The following DDX51 variants were observed in gnomAD, a reference collection of about 807,000 sequenced individuals.
DDX51 encodes the protein DEAD-box helicase 51.
In DDX51, 67 loss-of-function variants were observed where a neutral mutation model predicts 74.6. That is an observed-to-expected ratio of 0.90 (90% confidence interval 0.74 to 1.10). The LOEUF is 1.10. DDX51 is among the 50% of genes least tolerant of loss of function. The pLI is 0.00. For synonymous variants in DDX51, 545 were observed against 402.9 expected (o/e 1.35, Z -4.22); for missense variants, 1,056 against 905.2 (o/e 1.17, Z -2.14).
At chr12:132,139,802 T>A in intron 13 of DDX51, 33 bp from the exon 14 acceptor site, 10 of 1,612,798 alleles carry the variant, frequency 6.2e-6, no homozygotes, top group Non-Finnish European at 8.5e-6. Flanking sequence ...AGGGGGTTCT[T>A]GGGCCAGCCC....
intron 2 of DDX51, 93 bp downstream of exon 2, chr12:132,143,602 G>A (rs1897568364): frequency 3.4e-6 from 5 of 1,471,324 alleles, no homozygotes; most frequent in Non-Finnish European, 4.6e-6. Context: ...GGGAACATTC[G>A]CTGAACGAAA....
chr12:132,142,196 G>C lies in DDX51; in HGVS notation c.817-6C>G, dbSNP rs780022017. ...ACCACTCTCGAAAGCAGGGCCTGAG[G>C]GGGAAGGAGCGCCTGCGTCAGCAAG... On this transcript the variant is annotated splice_polypyrimidine_tract_variant and splice_region_variant and intron_variant, in intron 4 of 14. Transcript: ENST00000397333. 2 of 1,572,706 alleles carry C rather than the reference G, an allele frequency of 1.3e-6. No homozygotes were observed. Among genetic ancestry groups the C allele is most frequent in the African/African-American group, 2.7e-5 (2 of 73,940 alleles).
At chr12:132,140,254 A>G (rs1897395349) in intron 11 of DDX51, 55 bp from the exon 12 acceptor site, 1 of 1,586,138 alleles carries the variant, frequency 6.3e-7, no homozygotes. Flanking sequence ...GGGCCGTGGC[A>G]GCACCGGCCC....
intron 6 of DDX51, 116 bp from the exon 7 acceptor site, chr12:132,141,722 G>C: frequency 6.9e-7 from 1 of 1,455,298 alleles, no homozygotes; most frequent in Non-Finnish European, 9.3e-7. Context: ...GGGCCGGTGG[G>C]AGCTCCTCCT....
chr12:132,142,337 G>A lies in DDX51; in HGVS notation c.756C>T (p.Leu252=). 15 of 1,613,090 alleles carry A rather than the reference G, an allele frequency of 9.3e-6. No individual in the cohort carries two copies. The highest frequency in any genetic ancestry group is 1.3e-5 in the Non-Finnish European group (15 of 1,180,006). The change falls in exon 4 of 15, where the codon CTC becomes CTT. Residue 252 remains leucine (L), a synonymous_variant. Transcript: ENST00000397333. The part of the protein sequence containing the change: ...VGRGGYRPSD[L]CVSAPTGSGK... ...CACTGCCTGTTGGGGCAGAAACACA[G>A]AGGTCGCTAGGCCGGTAGCCACCTC...
At position 132,140,652 on chromosome 12, in the gene DDX51, G is replaced by A. The variant is rs759816039; in HGVS notation, c.1524C>T (p.Leu508=). Residue 508 remains leucine (L), a synonymous_variant, in exon 10 of 15, where the codon CTC becomes CTT. Coordinates refer to ENST00000397333, the MANE Select transcript of DDX51 (RefSeq NM_175066.4). ...LVLEMGFSRV[L]CFTNSRENSH... ...AGTTCTCTCGGGAGTTAGTGAAGCAGAGAACCCTCGAGAAGCCCATCTCCA... is the reference window on the plus strand; with the variant it reads ...AGTTCTCTCGGGAGTTAGTGAAGCAAAGAACCCTCGAGAAGCCCATCTCCA... 1.1e-5 allele frequency: 18 copies of A among 1,612,834 alleles called. 1 individual carries two copies. In the South Asian group the frequency reaches 1.8e-4, roughly 16 times the overall value.
Position 132,139,910 on chromosome 12 carries a change from G to C in DDX51, c.1790C>G (p.Ala597Gly). 1 of 1,613,078 alleles carries C rather than the reference G, an allele frequency of 6.2e-7. No individual in the cohort carries two copies. The highest frequency in any genetic ancestry group is 1.1e-5 in the South Asian group (1 of 91,086). The change falls in exon 13 of 15, where the codon GCT (alanine) becomes GGT (glycine). Residue 597 changes from alanine to glycine, a missense_variant. Ala to Gly is a moderately conservative substitution (Grantham distance 60). Transcript: ENST00000397333. ...RTYVHRVGRT[A>G]RAGKTGQAFT... is the part of the protein sequence containing the mutation. ...GGCCTGTCCAGTTTTCCCAGCGCGAGCTGTCCTCCCAACCCTGGAATCAAA... is the reference window on the plus strand; with the variant it reads ...GGCCTGTCCAGTTTTCCCAGCGCGACCTGTCCTCCCAACCCTGGAATCAAA...
intron 8 of DDX51, 28 bp from the exon 9 acceptor site, chr12:132,141,048 C>T (rs766837706): frequency 6.4e-6 from 10 of 1,569,270 alleles, no homozygotes; most frequent in South Asian, 1.2e-5. Flanking sequence ...GTTGCTGGCA[C>T]CCTACCAGTG....
Position 132,141,381 on chromosome 12 carries a change from G to A in DDX51, c.1144C>T (p.Gln382Ter). The change falls in exon 8 of 15, where the codon CAG becomes TAG. Residue 382 changes from glutamine (Q) to a stop codon, truncating the protein, a stop_gained. Transcript: ENST00000397333. LOFTEE classifies it high-confidence loss of function. ...EADRMIDSMH[Q>*]SWLPRVVAAA... ...GCCACCACCCGCGGCAGCCAGGACT[G>A]ATGCATGCTGTCAATCATCCGGTCA... The A allele has an allele frequency of 6.3e-7, 1 of 1,597,934 alleles. No homozygotes were observed. Among genetic ancestry groups the A allele is most frequent in the South Asian group, 1.1e-5 (1 of 90,972 alleles).
chr12:132,140,244 G>A (rs1266647775), intron 11 of DDX51, 45 bp from the exon 12 acceptor site: 30 of 1,594,240 alleles, frequency 1.9e-5, no homozygotes, highest in Non-Finnish European at 2.5e-5. Context: ...CCAGGAGCAG[G>A]GGCCGTGGCA....
In DDX51 at chr12:132,140,436, C is replaced by T. The variant is rs1897402758; in HGVS notation, c.1660G>A (p.Gly554Arg). The T allele has an allele frequency of 1.2e-6, 2 of 1,613,270 alleles. No homozygotes were observed. The highest frequency in any genetic ancestry group is 1.7e-6 in the Non-Finnish European group (2 of 1,180,024). The change falls in exon 11 of 15, where the codon GGG (glycine) becomes AGG (arginine). Residue 554 changes from glycine to arginine, a missense_variant. By Grantham distance (125) the Gly-to-Arg change is moderately radical. Coordinates refer to ENST00000397333, the MANE Select transcript of DDX51 (RefSeq NM_175066.4). ...CCAGGAACTCACAGCTGGATCTTCC[C>T]CTGTTCAAACTGCTTCAGGATCATC... ...RRMILKQFEQ[G>R]KIQLLISTDA...
At position 132,138,435 on chromosome 12, in the gene DDX51, C is replaced by G. The variant is rs1217521526; in HGVS notation, c.*837G>C. The G allele has an allele frequency of 6.6e-6, 1 of 151,426 alleles. No homozygotes were observed. Among genetic ancestry groups the G allele is most frequent in the Non-Finnish European group, 1.5e-5 (1 of 67,920 alleles). The allele number at this position is 151,426 out of a possible 1,614,324, so 9.4% of individuals were successfully genotyped here. A position where few individuals can be genotyped will look rare whatever the true frequency, so the allele number is the denominator to read the frequency against. Reference sequence around the variant, plus strand: ...TCACGCCATTCTCCTGCCTCAGCCTCCCGAGTAGCTGGGACTATAGGTGCC... The same window carrying G: ...TCACGCCATTCTCCTGCCTCAGCCTGCCGAGTAGCTGGGACTATAGGTGCC... On this transcript the variant is annotated 3_prime_UTR_variant, in exon 15 of 15. Coordinates refer to ENST00000397333, the MANE Select transcript of DDX51 (RefSeq NM_175066.4).
chr12:132,139,960 T>C (rs1052558648), intron 12 of DDX51, 36 bp from the exon 13 acceptor site: 1 of 1,612,312 alleles, frequency 6.2e-7, no homozygotes, highest in Non-Finnish European at 8.5e-7. Context: ...GACTGGCCCC[T>C]GAGCCTTCAA....
At chr12:132,141,685 G>A (rs753516664) in intron 6 of DDX51, 79 bp from the exon 7 acceptor site, 115 of 1,500,010 alleles carry the variant, frequency 7.7e-5, no homozygotes, top group Non-Finnish European at 9.9e-5. Flanking sequence ...TCACCCCACA[G>A]CCCCGACTCC....
rs772184251 is a variant in DDX51 at position 132,142,367 on chromosome 12, C to T, written c.726G>A (p.Val242=). The T allele has an allele frequency of 1.2e-5, 19 of 1,613,014 alleles. No individual in the cohort carries two copies. Among genetic ancestry groups the T allele is most frequent in the Non-Finnish European group, 1.6e-5 (19 of 1,180,018 alleles). Residue 242 remains valine, a synonymous_variant, in exon 4 of 15, where the codon GTG becomes GTA. Transcript: ENST00000397333. The part of the protein sequence containing the change: ...LLESAACGFL[V]GRGGYRPSDL... ...CGCTAGGCCGGTAGCCACCTCTGCC[C>T]ACCAGAAACCCACAGGCTGCGCTCT... is the stretch of plus-strand genomic sequence containing the variant.
At position 132,142,364 on chromosome 12, in the gene DDX51, G is replaced by A. The variant is rs1412449379; in HGVS notation, c.729C>T (p.Gly243=). 5.6e-6 allele frequency: 9 copies of A among 1,612,970 alleles called. No individual in the cohort carries two copies. The highest frequency in any genetic ancestry group is 1.1e-5 in the South Asian group (1 of 91,080). ...GGTCGCTAGGCCGGTAGCCACCTCT[G>A]CCCACCAGAAACCCACAGGCTGCGC... ...LESAACGFLV[G]RGGYRPSDLC... is the part of the protein sequence containing the mutation. The change falls in exon 4 of 15, where the codon GGC becomes GGT. Residue 243 remains glycine (G), a synonymous_variant. Coordinates refer to ENST00000397333, the MANE Select transcript of DDX51 (RefSeq NM_175066.4).
In DDX51 at chr12:132,139,163, T is replaced by C; in HGVS notation, c.*109A>G. The C allele has an allele frequency of 6.8e-7, 1 of 1,474,808 alleles. No homozygotes were observed. Among genetic ancestry groups the C allele is most frequent in the Non-Finnish European group, 9.2e-7 (1 of 1,092,848 alleles). The allele number at this position is 1,474,808 out of a possible 1,614,324, so 91.4% of individuals were successfully genotyped here. A position where few individuals can be genotyped will look rare whatever the true frequency, so the allele number is the denominator to read the frequency against. ...CACGTGCTTGGGGAGGAAGGCTGTG[T>C]CCACTGGGGGATTCCTTTCCTCACA... On this transcript the variant is annotated 3_prime_UTR_variant, in exon 15 of 15. Transcript: ENST00000397333.
At position 132,142,397 on chromosome 12, in the gene DDX51, G is replaced by A; in HGVS notation, c.696C>T (p.Leu232=). 1 of 1,612,616 alleles carries A rather than the reference G, an allele frequency of 6.2e-7. No homozygotes were observed. Among genetic ancestry groups the A allele is most frequent in the Non-Finnish European group, 8.5e-7 (1 of 1,180,006 alleles). ...GAAACCCACAGGCTGCGCTCTCCAG[G>A]AGGGCAGGAATCACAGCTGCCTGGA... ...FPVQAAVIPA[L]LESAACGFLV... The change falls in exon 4 of 15, where the codon CTC becomes CTT. Residue 232 remains leucine (L), a synonymous_variant. Transcript: ENST00000397333.
intron 5 of DDX51, 39 bp downstream of exon 5, chr12:132,142,080 G>C (rs745914025): frequency 4.5e-6 from 7 of 1,564,028 alleles, no homozygotes; most frequent in Non-Finnish European, 6.1e-6. Context: ...GGGAAGCTGA[G>C]GCGGGCGGTG....
Sources: gnomAD v4.1 joint callset for allele counts on GRCh38, gnomAD v4.1.1 for gene constraint, MANE v1.5 for transcripts, NCBI Gene and HGNC (gene_info 2026-07-23, HGNC 2026-07-21) for gene names.